The following NALF1 variants were observed in gnomAD, a reference collection of about 807,000 sequenced individuals.
NALF1 encodes NALCN channel auxiliary factor 1, also known as family with sequence similarity 155 member A.
In NALF1, 3 loss-of-function variants were observed where a neutral mutation model predicts 48.4. The ratio of observed to expected loss-of-function variants is 0.06; its 90% CI spans 0.03 to 0.16. The LOEUF (loss-of-function observed/expected upper bound fraction) is 0.16. NALF1 is among the 10% of genes least tolerant of loss of function. The pLI is 1.00. For missense variants in NALF1, 526 were observed against 571.5 expected, an observed-to-expected ratio of 0.92 and a Z score of 0.81; for synonymous variants, 262 against 245.7, an observed-to-expected ratio of 1.07 and a Z score of -0.62.
At chr13:107,525,343 T>G (rs1876396120) in intron 1 of NALF1, among the ~76,000 whole-genome samples, 1 of 152,154 alleles carries the variant, frequency 6.6e-6, no homozygotes, top group Non-Finnish European at 1.5e-5. Context: ...TTTTCCCAAA[T>G]GTAATAGAAG....
At chr13:107,729,651 G>C (rs1431106123) in intron 1 of NALF1, among the ~76,000 whole-genome samples, 1 of 151,932 alleles carries the variant, frequency 6.6e-6, no homozygotes, top group Non-Finnish European at 1.5e-5. Flanking sequence ...TAATTTTTTT[G>C]TATTTTTAGT....
chr13:107,668,750 T>A (rs970145793), intron 1 of NALF1, among the ~76,000 whole-genome samples: 1 of 152,040 alleles, frequency 6.6e-6, no homozygotes, highest in African/African-American at 2.4e-5. Flanking sequence ...TGAGACTCCA[T>A]CCATGAAATA....
At chr13:107,332,453 G>A (rs941508021) in intron 1 of NALF1, among the ~76,000 whole-genome samples, 8 of 152,206 alleles carry the variant, frequency 5.3e-5, no homozygotes, top group African/African-American at 1.4e-4. Context: ...AGCTACAGCC[G>A]GAGCAAAGCC....
At chr13:107,738,127 G>A (rs1016805091) in intron 1 of NALF1, among the ~76,000 whole-genome samples, 9 of 152,028 alleles carry the variant, frequency 5.9e-5, no homozygotes, top group Non-Finnish European at 7.4e-5. Flanking sequence ...CTTATCATCC[G>A]TCTCATTTAA....
In NALF1 at chr13:107,672,111, C is replaced by T. The variant is rs533378023; in HGVS notation, c.915+193571G>A. 1.4e-4 allele frequency among the ~76,000 whole-genome samples: 22 copies of T among 152,226 alleles called. No individual in the cohort carries two copies. In the East Asian group the frequency reaches 3.3e-3, roughly 23 times the overall value. ...TCTGTTTTCCTGGACACTCCGGGGT[C>T]CGCATGAGCAGGTATTCATCAATTA... On this transcript the variant is annotated intron_variant, in intron 1 of 2. Coordinates refer to ENST00000375915, the MANE Select transcript of NALF1 (RefSeq NM_001080396.3).
At chr13:107,174,365 T>TTATTTA (rs765858092) in intron 2 of NALF1, among the ~76,000 whole-genome samples, 2 of 141,114 alleles carry the variant, frequency 1.4e-5, no homozygotes, top group African/African-American at 2.7e-5. Flanking sequence ...ATTTATTTAT[T>TTATTTA]TTTTTTTTTG....
At chr13:107,322,142 A>C in intron 1 of NALF1, among the ~76,000 whole-genome samples, 1 of 152,146 alleles carries the variant, frequency 6.6e-6, no homozygotes, top group East Asian at 1.9e-4. Context: ...GGTCATGTGA[A>C]TCCAACCTTC....
intron 1 of NALF1, among the ~76,000 whole-genome samples, chr13:107,689,010 G>C (rs1401845233): frequency 6.6e-6 from 1 of 152,332 alleles, no homozygotes; most frequent in East Asian, 1.9e-4. Context: ...GGAACAAAGA[G>C]ACCCAGCTCC....
chr13:107,818,891 A>AAAAAG (rs1879269710), intron 1 of NALF1, among the ~76,000 whole-genome samples: 5 of 141,848 alleles, frequency 3.5e-5, no homozygotes, highest in African/African-American at 1.4e-4. Flanking sequence ...AAAAAAAAAA[A>AAAAAG]AAAAATCCAG....
chr13:107,596,320 G>A (rs1878746271), intron 1 of NALF1, among the ~76,000 whole-genome samples: 1 of 152,084 alleles, frequency 6.6e-6, no homozygotes, highest in South Asian at 2.1e-4. Flanking sequence ...CCCATTACTG[G>A]GTATATACCC....
intron 1 of NALF1, among the ~76,000 whole-genome samples, chr13:107,299,447 T>C (rs4771570): frequency 0.44 from 48,581 of 110,448 alleles, 9,956 homozygotes; most frequent in South Asian, 0.63. Context: ...ATAATAATAA[T>C]AATAATAATA....
At chr13:107,369,688 G>A (rs904653914) in intron 1 of NALF1, among the ~76,000 whole-genome samples, 12 of 152,074 alleles carry the variant, frequency 7.9e-5, no homozygotes, top group African/African-American at 2.9e-4. Context: ...CTATCAAAAA[G>A]GGCTTTATTA....
At chr13:107,429,924 C>T (rs770128359) in intron 1 of NALF1, among the ~76,000 whole-genome samples, 1 of 152,108 alleles carries the variant, frequency 6.6e-6, no homozygotes, top group South Asian at 2.1e-4. Flanking sequence ...TTTTTCTATG[C>T]CCTAGCTTAT....
chr13:107,445,530 G>A (rs1566345497), intron 1 of NALF1, among the ~76,000 whole-genome samples: 2 of 152,180 alleles, frequency 1.3e-5, no homozygotes, highest in African/African-American at 2.4e-5. Context: ...AACCATGCGT[G>A]TACAGGTATT....
intron 1 of NALF1, among the ~76,000 whole-genome samples, chr13:107,691,665 G>A (rs1244474707): frequency 3.9e-5 from 6 of 152,154 alleles, no homozygotes; most frequent in Non-Finnish European, 7.4e-5. Context: ...ATATATGAAT[G>A]TTGTGCTTTG....
At chr13:107,373,672 T>A (rs559127872) in intron 1 of NALF1, among the ~76,000 whole-genome samples, 379 of 152,348 alleles carry the variant, frequency 2.5e-3, no homozygotes, top group Non-Finnish European at 4.7e-3. Context: ...AGCATCAACC[T>A]GGTCTCTGAA....
chr13:107,538,987 TATCTATTTA>T (rs766547681), intron 1 of NALF1, among the ~76,000 whole-genome samples: 9 of 149,916 alleles, frequency 6.0e-5, no homozygotes, highest in Middle Eastern at 3.4e-3. Context: ...TGCTCTCAAA[TATCTATTTA>T]GTATTTATCT....
intron 1 of NALF1, among the ~76,000 whole-genome samples, chr13:107,837,752 G>T (rs550358653): frequency 6.6e-6 from 1 of 152,022 alleles, no homozygotes; most frequent in African/African-American, 2.4e-5. Flanking sequence ...AGAGCCACCC[G>T]GGTGTGAGAA....
At chr13:107,195,111 G>A (rs9558975) in intron 2 of NALF1, among the ~76,000 whole-genome samples, 22,421 of 152,104 alleles carry the variant, frequency 0.15, 1,803 homozygotes, top group East Asian at 0.37. Context: ...ACTTTTGCAC[G>A]CTGTTGGGAA....
Sources: allele counts gnomAD v4.1 joint callset (sites outside exome capture counted in the v4.1 genomes callset), GRCh38; gene constraint gnomAD v4.1.1; transcripts MANE v1.5; gene names NCBI Gene and HGNC (gene_info 2026-07-23, HGNC 2026-07-21).